The following FRAS1 variants were observed in gnomAD, a reference collection of about 807,000 sequenced individuals.
FRAS1 encodes the protein extracellular matrix organizing protein FRAS1.
A neutral mutation model predicts 435.2 loss-of-function variants in FRAS1; 290 were observed. That is an observed-to-expected ratio of 0.67 (90% CI 0.61 to 0.73). The LOEUF (loss-of-function observed/expected upper bound fraction) is 0.73, where lower values mean the gene tolerates loss of function less well. Ranked by LOEUF, FRAS1 falls within the 30% of genes least tolerant of loss-of-function variation. FRAS1 has a pLI of 0.00. For missense variants in FRAS1, 4,860 were observed against 5,001.5 expected, an observed-to-expected ratio of 0.97 and a Z score of 0.85; for synonymous variants, 1,800 against 1,851.0, an observed-to-expected ratio of 0.97 and a Z score of 0.71.
At chr4:78,315,438 G>A (rs903113754) in intron 15 of FRAS1, among the ~76,000 whole-genome samples, 156 bp from the exon 16 acceptor site, 15 of 152,174 alleles carry the variant, frequency 9.9e-5, no homozygotes, top group Non-Finnish European at 1.6e-4. Context: ...CACAGAGTCC[G>A]ATGAAATGTT....
intron 1 of FRAS1, among the ~76,000 whole-genome samples, chr4:78,059,659 C>G (rs1266740545): frequency 6.6e-6 from 1 of 151,894 alleles, no homozygotes; most frequent in African/African-American, 2.4e-5. Flanking sequence ...CCCAGCAACG[C>G]AGGAAACGTG....
chr4:78,176,570 C>T lies in FRAS1; in HGVS notation c.109-60940C>T, dbSNP rs79441500. Reference sequence around the variant, plus strand: ...TCCCTGACACCTTCTCATTTCCAGGCGAAACATTCCCAGTTTCTGCAACCT... The same window carrying T: ...TCCCTGACACCTTCTCATTTCCAGGTGAAACATTCCCAGTTTCTGCAACCT... On this transcript the variant is annotated intron_variant, in intron 2 of 73. Coordinates refer to ENST00000512123, the MANE Select transcript of FRAS1 (RefSeq NM_025074.7). Among the ~76,000 whole-genome samples, 490 of 152,260 alleles carry T rather than the reference C, an allele frequency of 3.2e-3. 4 individuals carry two copies. The highest frequency in any genetic ancestry group is 0.011 in the African/African-American group (472 of 41,548).
chr4:78,174,654 C>T (rs146378532), intron 2 of FRAS1, among the ~76,000 whole-genome samples: 1 of 152,320 alleles, frequency 6.6e-6, no homozygotes, highest in East Asian at 1.9e-4. Context: ...TAGCACTGGT[C>T]ATCTTCATGC....
intron 2 of FRAS1, among the ~76,000 whole-genome samples, chr4:78,096,681 T>A (rs1741825259): frequency 6.6e-6 from 1 of 152,138 alleles, no homozygotes; most frequent in Non-Finnish European, 1.5e-5. Context: ...CATTGGCCCC[T>A]TTCAGCCATG....
chr4:78,363,971 C>T lies in FRAS1; in HGVS notation c.2639C>T (p.Thr880Ile), dbSNP rs749261662. Residue 880 changes from threonine (T) to isoleucine (I), a missense_variant, in exon 22 of 74, where the codon ACC becomes ATC. Coordinates refer to ENST00000512123, the MANE Select transcript of FRAS1 (RefSeq NM_025074.7). ...RGPFSCSSCD[T>I]NLVLSHTGTC... Reference sequence around the variant, plus strand: ...CCTTTCTCCTGCTCCTCATGTGACACCAACCTCGTGCTGTCCCACACTGGC... The same window carrying T: ...CCTTTCTCCTGCTCCTCATGTGACATCAACCTCGTGCTGTCCCACACTGGC... 8 of 1,612,922 alleles carry T rather than the reference C, an allele frequency of 5.0e-6. No homozygotes were observed. The South Asian group carries it at 8.8e-5, about 18-fold the overall frequency.
At chr4:78,423,474 A>G (rs986031512) in intron 34 of FRAS1, among the ~76,000 whole-genome samples, 31 of 151,922 alleles carry the variant, frequency 2.0e-4, no homozygotes, top group African/African-American at 6.8e-4. Flanking sequence ...TTTCTTTATG[A>G]TCTTTAAGGT....
chr4:78,173,758 CTA>C (rs1199506896), intron 2 of FRAS1, among the ~76,000 whole-genome samples: 1 of 152,172 alleles, frequency 6.6e-6, no homozygotes, highest in South Asian at 2.1e-4. Context: ...ACAGGCGGCA[CTA>C]TGTGATTTTT....
At chr4:78,278,352 A>G (rs960518132) in intron 9 of FRAS1, among the ~76,000 whole-genome samples, 1 of 152,224 alleles carries the variant, frequency 6.6e-6, no homozygotes, top group African/African-American at 2.4e-5. Context: ...TTCCTAGACT[A>G]TAACATTAAC....
At position 78,539,515 on chromosome 4, in the gene FRAS1, A is replaced by G; in HGVS notation, c.11445+75A>G. The G allele has an allele frequency of 4.1e-6, 5 of 1,222,250 alleles. No homozygotes were observed. The South Asian group carries it at 7.0e-5, about 17-fold the overall frequency. 75.7% of individuals were successfully genotyped at this position (1,222,250 alleles called of 1,614,324 possible). A position where few individuals can be genotyped will look rare whatever the true frequency, so the allele number is the denominator to read the frequency against. Reference sequence around the variant, plus strand: ...CTTGAAAAAAAAAAAAAAAAGAAGGAGGACTGCAACATCTCTGGATTCTTC... The same window carrying G: ...CTTGAAAAAAAAAAAAAAAAGAAGGGGGACTGCAACATCTCTGGATTCTTC... On this transcript the variant is annotated intron_variant, in intron 73 of 73. Transcript: ENST00000512123.
rs985337761 is a variant in FRAS1, at chr4:78,441,184, C to T, written c.5552C>T (p.Pro1851Leu). ...LITVDEGGRAPLSFHHFFATD... is the reference protein window; with the variant it reads ...LITVDEGGRALLSFHHFFATD... ...TAGGTTGATGAGGGAGGGAGAGCAC[C>T]ACTCTCATTTCACCATTTTTTTGCT... Residue 1851 changes from proline to leucine, a missense_variant, in exon 41 of 74, where the codon CCA (proline) becomes CTA (leucine). By Grantham distance (98) the Pro-to-Leu change is moderately conservative. Transcript: ENST00000512123. 1 of 1,613,664 alleles carries T rather than the reference C, an allele frequency of 6.2e-7. No homozygotes were observed. Among genetic ancestry groups the T allele is most frequent in the South Asian group, 1.1e-5 (1 of 91,062 alleles).
chr4:78,200,088 C>G (rs959593503), intron 2 of FRAS1, among the ~76,000 whole-genome samples: 3 of 152,186 alleles, frequency 2.0e-5, no homozygotes, highest in Non-Finnish European at 4.4e-5. Flanking sequence ...CCCTAACTGC[C>G]TGCTCATTCA....
intron 33 of FRAS1, among the ~76,000 whole-genome samples, chr4:78,420,918 A>ATATATATATATATT (rs1167974462): frequency 3.4e-5 from 4 of 118,900 alleles, no homozygotes; most frequent in African/African-American, 1.3e-4. Context: ...ATATATATAT[A>ATATATATATATATT]TATTTATATA....
At chr4:78,279,017 A>G (rs1453995247) in intron 10 of FRAS1, among the ~76,000 whole-genome samples, 2 of 152,192 alleles carry the variant, frequency 1.3e-5, no homozygotes, top group South Asian at 2.1e-4. Context: ...GGAGCACTAC[A>G]TAGAAGAATA....
intron 68 of FRAS1, 92 bp downstream of exon 68, chr4:78,521,722 TCAA>T (rs1721393028): frequency 1.3e-6 from 1 of 743,604 alleles, no homozygotes; most frequent in Non-Finnish European, 2.2e-6. Context: ...TAAAAAACAG[TCAA>T]CAATGATTAA....
intron 2 of FRAS1, among the ~76,000 whole-genome samples, chr4:78,213,896 T>G (rs1248682868): frequency 6.6e-6 from 1 of 152,238 alleles, no homozygotes; most frequent in African/African-American, 2.4e-5. Flanking sequence ...AGGGTGCTTT[T>G]TCAAGTTAGA....
intron 31 of FRAS1, among the ~76,000 whole-genome samples, chr4:78,408,555 G>A (rs1733192659): frequency 6.6e-6 from 1 of 152,082 alleles, no homozygotes; most frequent in South Asian, 2.1e-4. Context: ...ATAAGATCAT[G>A]GGCCTATAGC....
chr4:78,163,714 A>C (rs551192596), intron 2 of FRAS1, among the ~76,000 whole-genome samples: 32 of 152,322 alleles, frequency 2.1e-4, no homozygotes, highest in Admixed American at 9.1e-4. Flanking sequence ...TCTTTGGAAA[A>C]ATTAATGCCA....
intron 18 of FRAS1, among the ~76,000 whole-genome samples, chr4:78,331,397 A>AG (rs1433843871): frequency 1.3e-5 from 2 of 152,148 alleles, no homozygotes; most frequent in Non-Finnish European, 2.9e-5. Flanking sequence ...TGAGTGGGGC[A>AG]GGGTGCTAGG....
intron 15 of FRAS1, among the ~76,000 whole-genome samples, chr4:78,310,213 G>A (rs1303676686): frequency 4.6e-5 from 7 of 152,194 alleles, no homozygotes; most frequent in Non-Finnish European, 7.3e-5. Flanking sequence ...AGTTAAGCCA[G>A]ATGTATTCTC....
Sources: gnomAD v4.1 joint callset for allele counts (sites outside exome capture counted in the v4.1 genomes callset) on GRCh38, gnomAD v4.1.1 for gene constraint, MANE v1.5 for transcripts, NCBI Gene and HGNC (gene_info 2026-07-23, HGNC 2026-07-21) for gene names.